DSC1: variants seen among roughly 807,000 people sequenced by gnomAD.
The protein encoded by DSC1 is desmocollin 1, also known as desmocollin-1.
In DSC1, 79 loss-of-function variants were observed where a neutral mutation model predicts 98.8. That is an observed-to-expected ratio of 0.80 (90% CI 0.67 to 0.96). DSC1 has a LOEUF of 0.96. DSC1 is among the 50% of genes least tolerant of loss of function. DSC1 has a pLI of 0.00. For missense variants in DSC1, 1,115 were observed against 1,075.9 expected (o/e 1.04, Z -0.51); for synonymous variants, 405 against 372.1 (o/e 1.09, Z -1.02).
chr18:31,156,451 A>G (rs906609398), intron 3 of DSC1, among the ~76,000 whole-genome samples: 2 of 152,210 alleles, frequency 1.3e-5, no homozygotes, highest in African/African-American at 4.8e-5. Flanking sequence ...TAGATAATTC[A>G]TTAATAAATA....
chr18:31,156,122 C>A lies in DSC1; in HGVS notation c.392G>T (p.Arg131Leu). ...AATAGGAGCCCATCGTCTCTTGCTG[C>A]GCTTGAGGGCTGTGTCTTTGGTATG... Reference protein sequence around the residue: ...KRHTKDTALKRSKRRWAPIPA... With the variant: ...KRHTKDTALKLSKRRWAPIPA... Residue 131 changes from arginine to leucine, a missense_variant, in exon 4 of 16, where the codon CGC (arginine) becomes CTC (leucine). Coordinates refer to ENST00000257198, the MANE Select transcript of DSC1 (RefSeq NM_024421.2). The A allele has an allele frequency of 6.2e-7, 1 of 1,614,114 alleles. No individual in the cohort carries two copies. Among genetic ancestry groups the A allele is most frequent in the Non-Finnish European group, 8.5e-7 (1 of 1,180,006 alleles).
chr18:31,157,598 G>C (rs747581984), intron 2 of DSC1, 25 bp from the exon 3 acceptor site: 7 of 1,613,394 alleles, frequency 4.3e-6, no homozygotes, highest in Non-Finnish European at 5.9e-6. Flanking sequence ...TATCACAGCA[G>C]TTTGTCAGAT....
At chr18:31,157,815 T>A (rs531437430) in intron 2 of DSC1, among the ~76,000 whole-genome samples, 2 of 152,222 alleles carry the variant, frequency 1.3e-5, no homozygotes, top group African/African-American at 4.8e-5. Context: ...ATTTTCCTAG[T>A]GTCACTGATT....
chr18:31,142,106 T>C lies in DSC1; in HGVS notation c.1153A>G (p.Thr385Ala). Residue 385 changes from threonine (T) to alanine (A), a missense_variant, in exon 9 of 16, where the codon ACT (threonine) becomes GCT (alanine). Transcript: ENST00000257198. Reference protein sequence around the residue: ...MKVQDQDLPNTPHSKAVYKIL... With the variant: ...MKVQDQDLPNAPHSKAVYKIL... ...TTGTATACAGCCTTTGAGTGAGGAG[T>C]GTTTGGCAAATCCTGATCCTGTACC... The C allele has an allele frequency of 6.2e-7, 1 of 1,613,250 alleles. No individual in the cohort carries two copies. The highest frequency in any genetic ancestry group is 8.5e-7 in the Non-Finnish European group (1 of 1,179,700).
intron 6 of DSC1, among the ~76,000 whole-genome samples, chr18:31,146,675 A>G (rs1257574638): frequency 6.6e-6 from 1 of 152,194 alleles, no homozygotes; most frequent in African/African-American, 2.4e-5. Context: ...TGCTTTCCAC[A>G]GGGGCTGAAC....
chr18:31,157,499 C>T lies in DSC1; in HGVS notation c.223G>A (p.Gly75Ser). Residue 75 changes from glycine to serine, a missense_variant, in exon 3 of 16, where the codon GGC becomes AGC. Coordinates refer to ENST00000257198, the MANE Select transcript of DSC1 (RefSeq NM_024421.2). The stretch of plus-strand genomic sequence containing the variant: ...AGGTCATGTGTTGTGTAAATTGAGC[C>T]ATCTTCTAGAATTCTGAAGGCAGGG... The part of the protein sequence containing the change: ...SDPAFRILED[G>S]SIYTTHDLIL... 6.2e-7 allele frequency: 1 copy of T among 1,614,150 alleles called. No homozygotes were observed. Among genetic ancestry groups the T allele is most frequent in the Non-Finnish European group, 8.5e-7 (1 of 1,180,016 alleles).
chr18:31,139,332 T>C (rs1487608093), intron 11 of DSC1, among the ~76,000 whole-genome samples: 1 of 152,112 alleles, frequency 6.6e-6, no homozygotes, highest in African/African-American at 2.4e-5. Flanking sequence ...CAAACTTACT[T>C]TGAACCCAAC....
intron 15 of DSC1, among the ~76,000 whole-genome samples, chr18:31,131,305 C>G (rs16961326): frequency 0.085 from 12,966 of 152,218 alleles, 920 homozygotes; most frequent in African/African-American, 0.2. Flanking sequence ...TTCACTCCAG[C>G]TGGTTTTCCT....
At chr18:31,140,412 A>C in intron 9 of DSC1, 111 bp from the exon 10 acceptor site, 2 of 1,209,892 alleles carry the variant, frequency 1.7e-6, no homozygotes, top group Non-Finnish European at 2.2e-6. Flanking sequence ...ATGTAACCTA[A>C]AGTTAGGTCT....
At chr18:31,132,438 G>A in intron 14 of DSC1, 130 bp downstream of exon 14, 4 of 1,270,938 alleles carry the variant, frequency 3.1e-6, no homozygotes, top group Non-Finnish European at 4.3e-6. Context: ...AACACTGAGG[G>A]CACTTGAAAC....
In DSC1 at chr18:31,130,652, C is replaced by T. The variant is rs1816634; in HGVS notation, c.2547G>A (p.Ser849=). The part of the protein sequence containing the change: ...EHKHCEDYVC[S]YNYEGKGSLA... ...GAGAACCTTTGCCTTCATAGTTATA[C>T]GAACAAACGTAGTCTTCACAATGTT... The change falls in exon 16 of 16, where the codon TCG becomes TCA. Residue 849 remains serine (S), a synonymous_variant. Transcript: ENST00000257198. The T allele has an allele frequency of 6.8e-5, 109 of 1,614,018 alleles. No individual in the cohort carries two copies. The African/African-American group carries it at 8.8e-4, about 13-fold the overall frequency.
At chr18:31,146,990 A>G (rs1988859159) in intron 6 of DSC1, among the ~76,000 whole-genome samples, 1 of 152,204 alleles carries the variant, frequency 6.6e-6, no homozygotes, top group South Asian at 2.1e-4. Flanking sequence ...GTATTGTGAA[A>G]CAGCAATATT....
At chr18:31,131,968 A>G in intron 14 of DSC1, 126 bp from the exon 15 acceptor site, 1 of 1,113,394 alleles carries the variant, frequency 9.0e-7, no homozygotes, top group Non-Finnish European at 1.3e-6. Context: ...ACATAAAATC[A>G]GAATAATAGT....
rs538161979 is a variant in DSC1, at chr18:31,134,112, C to T, written c.1895G>A (p.Arg632His). 30 of 1,603,452 alleles carry T rather than the reference C, an allele frequency of 1.9e-5. No individual in the cohort carries two copies. The highest frequency in any genetic ancestry group is 1.7e-4 in the Middle Eastern group (1 of 6,050). The change falls in exon 13 of 16, where the codon CGT becomes CAT. Residue 632 changes from arginine to histidine, a missense_variant. Arg to His is a conservative substitution (Grantham distance 29). Coordinates refer to ENST00000257198, the MANE Select transcript of DSC1 (RefSeq NM_024421.2). ...EEKDGKTAIL[R>H]QRQNLDYNYY... ...GTTATAATCAAGATTTTGCCGTTGA[C>T]GAAGAATGGCAGTTTTACCTAGGGA...
intron 3 of DSC1, 102 bp downstream of exon 3, chr18:31,157,268 CA>C: frequency 8.1e-7 from 1 of 1,228,570 alleles, no homozygotes; most frequent in South Asian, 1.4e-5. Flanking sequence ...ATTTGTCATT[CA>C]ATAGCATAGA....
At chr18:31,143,287 T>C (rs1988773670) in intron 8 of DSC1, among the ~76,000 whole-genome samples, 1 of 151,380 alleles carries the variant, frequency 6.6e-6, no homozygotes, top group South Asian at 2.1e-4. Context: ...GAAGTTGAAA[T>C]GTAAAGGACA....
At chr18:31,152,604 T>C (rs781298412) in intron 5 of DSC1, among the ~76,000 whole-genome samples, 17 of 152,192 alleles carry the variant, frequency 1.1e-4, no homozygotes, top group Middle Eastern at 3.4e-3. Flanking sequence ...GTGGTATCAC[T>C]GGTATTACGG....
chr18:31,145,112 T>C (rs1382310444), intron 7 of DSC1, among the ~76,000 whole-genome samples: 1 of 151,836 alleles, frequency 6.6e-6, no homozygotes, highest in Non-Finnish European at 1.5e-5. Flanking sequence ...GCTAATTTCT[T>C]TGGATTTTTT....
At chr18:31,156,256 G>C in intron 3 of DSC1, 94 bp from the exon 4 acceptor site, 1 of 1,441,538 alleles carries the variant, frequency 6.9e-7, no homozygotes. Context: ...AGATGTAAGG[G>C]TTACACATTA....
Sources: gnomAD v4.1 joint callset for allele counts (sites outside exome capture counted in the v4.1 genomes callset) on GRCh38, gnomAD v4.1.1 for gene constraint, MANE v1.5 for transcripts, NCBI Gene and HGNC (gene_info 2026-07-23, HGNC 2026-07-21) for gene names.